Variants in ROBO2 observed in about 807,000 individuals in gnomAD.
ROBO2 encodes roundabout homolog 2.
ROBO2 carries 53 observed loss-of-function variants against 160.8 expected under a neutral mutation model. The observed-to-expected ratio is 0.33, with a 90% CI of 0.26 to 0.41. The LOEUF is 0.41. Ranked by LOEUF, ROBO2 falls within the 10% of genes least tolerant of loss-of-function variation. The pLI, the probability that ROBO2 is intolerant of heterozygous loss-of-function variation, is 1.00. For synonymous variants in ROBO2, 664 were observed against 611.7 expected (o/e 1.09, Z -1.26); for missense variants, 1,577 against 1,722.4 (o/e 0.92, Z 1.49).
intron 2 of ROBO2, among the ~76,000 whole-genome samples, chr3:76,281,531 T>C (rs1292820189): frequency 6.6e-6 from 1 of 151,940 alleles, no homozygotes; most frequent in Non-Finnish European, 1.5e-5. Context: ...GGGTTTGTTT[T>C]CCTACCACTA....
intron 2 of ROBO2, among the ~76,000 whole-genome samples, chr3:77,374,031 G>A (rs1049464757): frequency 6.6e-6 from 1 of 151,470 alleles, no homozygotes; most frequent in Non-Finnish European, 1.5e-5. Flanking sequence ...TTGGCCAGGT[G>A]TGGTGGCGGG....
chr3:76,955,481 G>T lies in ROBO2; in HGVS notation c.110-142533G>T, dbSNP rs546074947. Among the ~76,000 whole-genome samples, 46 of 152,166 alleles carry T rather than the reference G, an allele frequency of 3.0e-4. No homozygotes were observed. The South Asian group carries it at 9.4e-3, about 31-fold the overall frequency. ...TATACCATTTTACATTCTCACGTGG[G>T]TTCCAATGTTTCCACATCCTTGCCA... On this transcript the variant is annotated intron_variant, in intron 2 of 26. Transcript: ENST00000487694.
chr3:77,634,954 G>A (rs756389779), exon 24 of ROBO2: 1 of 1,614,134 alleles, frequency 6.2e-7, no homozygotes, highest in Non-Finnish European at 8.5e-7. Context: ...CTGAGTCAAA[G>A]TCAGAGGCCT....
At chr3:77,242,384 A>G (rs2089169654) in intron 2 of ROBO2, among the ~76,000 whole-genome samples, 1 of 151,288 alleles carries the variant, frequency 6.6e-6, no homozygotes, top group South Asian at 2.1e-4. Context: ...CTTCCACTGA[A>G]AAGAAAAGAT....
At chr3:76,833,719 G>T (rs1043866791) in intron 2 of ROBO2, among the ~76,000 whole-genome samples, 1 of 151,884 alleles carries the variant, frequency 6.6e-6, no homozygotes, top group African/African-American at 2.4e-5. Flanking sequence ...CTATCCTCTC[G>T]TAACTTCCCC....
intron 2 of ROBO2, among the ~76,000 whole-genome samples, chr3:77,287,239 A>G (rs1157741077): frequency 2.0e-5 from 3 of 152,196 alleles, no homozygotes; most frequent in African/African-American, 7.2e-5. Context: ...CTACCATTAG[A>G]GACTTGTGCC....
chr3:76,289,378 G>C (rs913977681), intron 2 of ROBO2, among the ~76,000 whole-genome samples: 1 of 151,982 alleles, frequency 6.6e-6, no homozygotes, highest in East Asian at 1.9e-4. Context: ...GTTCCTTATA[G>C]ATGCTGATAT....
intron 2 of ROBO2, among the ~76,000 whole-genome samples, chr3:76,991,949 T>C (rs991991559): frequency 6.6e-6 from 1 of 152,142 alleles, no homozygotes; most frequent in Non-Finnish European, 1.5e-5. Context: ...GGTATACATA[T>C]GGGACACTGT....
intron 2 of ROBO2, among the ~76,000 whole-genome samples, chr3:77,113,347 A>C (rs1445137451): frequency 6.6e-6 from 1 of 152,212 alleles, no homozygotes. Flanking sequence ...AGCTTCTCTC[A>C]AAAGCCTGTT....
chr3:76,781,891 A>C (rs2108615143), intron 2 of ROBO2, among the ~76,000 whole-genome samples: 1 of 150,860 alleles, frequency 6.6e-6, no homozygotes, highest in African/African-American at 2.4e-5. Flanking sequence ...TGAGTTTATA[A>C]ATGTTTCTTC....
chr3:76,578,676 A>G (rs1424916265), intron 2 of ROBO2, among the ~76,000 whole-genome samples: 1 of 151,732 alleles, frequency 6.6e-6, no homozygotes, highest in East Asian at 1.9e-4. Context: ...CCCTTTTCAT[A>G]GTATTGTCTT....
intron 2 of ROBO2, among the ~76,000 whole-genome samples, chr3:76,296,726 C>G (rs2107723762): frequency 6.6e-6 from 1 of 152,258 alleles, no homozygotes; most frequent in East Asian, 1.9e-4. Flanking sequence ...GAAATAGGGT[C>G]ACTCTTCGGG....
At chr3:76,502,272 TC>T (rs1409298688) in intron 2 of ROBO2, among the ~76,000 whole-genome samples, 2 of 152,182 alleles carry the variant, frequency 1.3e-5, no homozygotes, top group Non-Finnish European at 2.9e-5. Flanking sequence ...AAGTTTCATT[TC>T]ATTGCCTGTC....
chr3:77,513,914 C>T (rs149566089), intron 5 of ROBO2, among the ~76,000 whole-genome samples: 1 of 151,736 alleles, frequency 6.6e-6, no homozygotes, highest in African/African-American at 2.4e-5. Context: ...ACTGTCGGCA[C>T]ACGATTGTAC....
intron 2 of ROBO2, among the ~76,000 whole-genome samples, chr3:76,206,823 C>G (rs981130828): frequency 2.0e-5 from 3 of 152,116 alleles, no homozygotes; most frequent in Admixed American, 6.6e-5. Flanking sequence ...TAGTAATGTG[C>G]AAAGCATCTG....
At chr3:77,490,921 A>G (rs1191465464) in intron 4 of ROBO2, among the ~76,000 whole-genome samples, 1 of 152,138 alleles carries the variant, frequency 6.6e-6, no homozygotes. Context: ...CTAATTCACG[A>G]CTTTATGTTT....
At chr3:76,999,215 T>A (rs1329926301) in intron 2 of ROBO2, among the ~76,000 whole-genome samples, 1 of 151,984 alleles carries the variant, frequency 6.6e-6, no homozygotes, top group African/African-American at 2.4e-5. Flanking sequence ...AGTAAATAGA[T>A]TGTGGAATGA....
At chr3:76,524,328 T>C (rs1385229758) in intron 2 of ROBO2, among the ~76,000 whole-genome samples, 5 of 151,992 alleles carry the variant, frequency 3.3e-5, no homozygotes, top group Non-Finnish European at 7.4e-5. Context: ...TTAAATGTCA[T>C]TGAAACTACT....
At chr3:77,618,584 G>A (rs985547881) in intron 22 of ROBO2, among the ~76,000 whole-genome samples, 1 of 151,998 alleles carries the variant, frequency 6.6e-6, no homozygotes, top group Non-Finnish European at 1.5e-5. Context: ...TTTACCCTTT[G>A]TGCTTGAAGT....
Sources: gnomAD v4.1 joint callset for allele counts (sites outside exome capture counted in the v4.1 genomes callset) on GRCh38, gnomAD v4.1.1 for gene constraint, MANE v1.5 for transcripts, NCBI Gene and HGNC (gene_info 2026-07-23, HGNC 2026-07-21) for gene names.